The following AKAP19 variants were observed in gnomAD, a reference collection of about 807,000 sequenced individuals.
The protein encoded by AKAP19 is A-kinase anchoring protein 19, also known as small A-kinase anchoring protein.
chr2:189,908,534 G>A, the AKAP19 span, among the ~76,000 whole-genome samples: 2 of 152,028 alleles, frequency 1.3e-5, no homozygotes, highest in African/African-American at 2.4e-5. Flanking sequence ...TTGCTGCATC[G>A]AATAAGTTTT....
chr2:190,053,509 T>A, the AKAP19 span, among the ~76,000 whole-genome samples: 1 of 152,158 alleles, frequency 6.6e-6, no homozygotes, highest in Non-Finnish European at 1.5e-5. Context: ...TAGTACCATT[T>A]TTCATTGCTC....
At chr2:189,995,683 G>GT in the AKAP19 span, among the ~76,000 whole-genome samples, 2,644 of 147,528 alleles carry the variant, frequency 0.018, 71 homozygotes, top group African/African-American at 0.057. Flanking sequence ...TACCTTGTGT[G>GT]TTTTTTTTTT....
the AKAP19 span, among the ~76,000 whole-genome samples, chr2:190,125,090 C>A: frequency 5.3e-5 from 8 of 152,174 alleles, no homozygotes; most frequent in South Asian, 6.2e-4. Context: ...CTTCTGGAGG[C>A]TGTTTTACAA....
At chr2:189,978,788 G>A in the AKAP19 span, among the ~76,000 whole-genome samples, 3 of 151,794 alleles carry the variant, frequency 2.0e-5, no homozygotes, top group Non-Finnish European at 4.4e-5. Context: ...TACATCAATA[G>A]CATCCAAGCT....
At chr2:190,176,655 C>A in the AKAP19 span, among the ~76,000 whole-genome samples, 2 of 152,190 alleles carry the variant, frequency 1.3e-5, no homozygotes, top group African/African-American at 4.8e-5. This position sits in a 1 kb window ranked among gnomAD's most constrained non-coding sequence, Gnocchi z 4.7. Flanking sequence ...GCCAAGACAT[C>A]ATTTTCATAC....
chr2:190,166,310 AT>A, the AKAP19 span, among the ~76,000 whole-genome samples: 2 of 131,274 alleles, frequency 1.5e-5, no homozygotes, highest in East Asian at 2.0e-4. Flanking sequence ...AAAAAAAAAA[AT>A]CCACTCTTTT....
the AKAP19 span, among the ~76,000 whole-genome samples, chr2:190,136,066 T>G: frequency 1.3e-5 from 2 of 152,190 alleles, no homozygotes; most frequent in South Asian, 4.1e-4. Context: ...TTATTTGGTG[T>G]CTTCCTTCTA....
At chr2:190,120,026 T>G in the AKAP19 span, among the ~76,000 whole-genome samples, 4 of 152,084 alleles carry the variant, frequency 2.6e-5, no homozygotes, top group Non-Finnish European at 5.9e-5. Flanking sequence ...AAGATGAAGC[T>G]GTCTCAAAGC....
At chr2:190,180,998 G>T in the AKAP19 span, 1 of 985,722 alleles carries the variant, frequency 1.0e-6, no homozygotes, top group Non-Finnish European at 1.2e-6. The surrounding 1 kb of genome is among the most constrained non-coding windows in gnomAD (Gnocchi z 6.8). Flanking sequence ...CCCACGACAG[G>T]GCTGCTCCGG....
At chr2:190,108,877 A>T in the AKAP19 span, among the ~76,000 whole-genome samples, 1 of 151,966 alleles carries the variant, frequency 6.6e-6, no homozygotes, top group African/African-American at 2.4e-5. Flanking sequence ...TCTCTAAAAA[A>T]CCTTAAACAG....
At chr2:189,909,096 A>G in the AKAP19 span, among the ~76,000 whole-genome samples, 1 of 151,984 alleles carries the variant, frequency 6.6e-6, no homozygotes, top group Non-Finnish European at 1.5e-5. Flanking sequence ...TGACCCCTTT[A>G]TCATTATATA....
chr2:190,005,947 A>AT, the AKAP19 span, among the ~76,000 whole-genome samples: 3 of 152,056 alleles, frequency 2.0e-5, no homozygotes, highest in East Asian at 1.9e-4. Flanking sequence ...CCATTTATAT[A>AT]TTTTTTTGTC....
chr2:190,034,856 CAAAAAAAAA>C, the AKAP19 span, among the ~76,000 whole-genome samples: 19 of 68,634 alleles, frequency 2.8e-4, no homozygotes, highest in Middle Eastern at 0.012. Flanking sequence ...CCTGTCTCAC[CAAAAAAAAA>C]AAAAAAAAAA....
At chr2:189,939,729 T>A in the AKAP19 span, among the ~76,000 whole-genome samples, 2 of 152,322 alleles carry the variant, frequency 1.3e-5, no homozygotes, top group South Asian at 2.1e-4. Flanking sequence ...GAAATAATTT[T>A]AAAAAATCAA....
chr2:189,935,729 C>T, the AKAP19 span, among the ~76,000 whole-genome samples: 2 of 152,054 alleles, frequency 1.3e-5, no homozygotes, highest in Non-Finnish European at 1.5e-5. Context: ...AGAAAATCTT[C>T]ACATTTCACA....
At chr2:190,154,594 G>T in the AKAP19 span, among the ~76,000 whole-genome samples, 1 of 152,096 alleles carries the variant, frequency 6.6e-6, no homozygotes, top group African/African-American at 2.4e-5. Flanking sequence ...GTTCATATTT[G>T]CTCATACTGT....
At chr2:189,898,497 G>A in the AKAP19 span, among the ~76,000 whole-genome samples, 1 of 151,744 alleles carries the variant, frequency 6.6e-6, no homozygotes, top group Non-Finnish European at 1.5e-5. Flanking sequence ...TTTGCATATT[G>A]CCTTTTTCAT....
the AKAP19 span, among the ~76,000 whole-genome samples, chr2:190,168,319 C>T: frequency 6.6e-6 from 1 of 152,124 alleles, no homozygotes; most frequent in African/African-American, 2.4e-5. Flanking sequence ...GGGCCTGCCC[C>T]ACAAAACTAT....
chr2:190,001,395 A>C, the AKAP19 span, among the ~76,000 whole-genome samples: 5 of 152,180 alleles, frequency 3.3e-5, no homozygotes, highest in African/African-American at 1.2e-4. Context: ...TGCATGCCTC[A>C]TAATTTTCTG....
Sources: gnomAD v4.1 joint callset for allele counts (sites outside exome capture counted in the v4.1 genomes callset) on GRCh38, gnomAD v4.1.1 for gene constraint, Gnocchi (gnomAD v3.1) non-coding constraint, MANE v1.5 for transcripts, NCBI Gene and HGNC (gene_info 2026-07-23, HGNC 2026-07-21) for gene names.